The following N4BP2L1 variants were observed in gnomAD, a reference collection of about 807,000 sequenced individuals.
N4BP2L1 encodes NEDD4 binding protein 2 like 1.
A neutral mutation model predicts 21.2 loss-of-function variants in N4BP2L1; 12 were observed. The ratio of observed to expected loss-of-function variants is 0.57; its 90% CI spans 0.36 to 0.92. N4BP2L1 has a LOEUF of 0.92. Among genes scored for constraint, N4BP2L1 ranks in the 40% least tolerant of loss-of-function variants. The pLI, the probability that N4BP2L1 is intolerant of heterozygous loss-of-function variation, is 0.01. For missense variants in N4BP2L1, 259 were observed against 310.6 expected (o/e 0.83, Z 1.25); for synonymous variants, 104 against 112.8 (o/e 0.92, Z 0.49).
chr13:32,413,931 G>A (rs1430408451), intron 1 of N4BP2L1, among the ~76,000 whole-genome samples: 1 of 146,564 alleles, frequency 6.8e-6, no homozygotes, highest in Non-Finnish European at 1.5e-5. Flanking sequence ...ACCCAGGCTG[G>A]AGTGCAGTGG....
In N4BP2L1 at chr13:32,402,206, C is replaced by T. The variant is rs2073166812; in HGVS notation, c.*736G>A. 1.0e-6 allele frequency: 1 copy of T among 980,310 alleles called. No homozygotes were observed. Among genetic ancestry groups the T allele is most frequent in the Non-Finnish European group, 1.2e-6 (1 of 825,452 alleles). 60.7% of individuals were successfully genotyped at this position (980,310 alleles called of 1,614,324 possible). A position where few individuals can be genotyped will look rare whatever the true frequency, so the allele number is the denominator to read the frequency against. On this transcript the variant is annotated 3_prime_UTR_variant, in exon 5 of 5. Transcript: ENST00000380130. ...TTTATTTACACTATTAGCACAACAG[C>T]CAAAAGTTATTCAGGTTTAATCCTG...
chr13:32,402,056 T>TG lies in N4BP2L1; in HGVS notation c.*885dup. 1 of 985,460 alleles carries TG rather than the reference T, an allele frequency of 1.0e-6. No homozygotes were observed. The highest frequency in any genetic ancestry group is 1.2e-6 in the Non-Finnish European group (1 of 829,932). 61.0% of individuals were successfully genotyped at this position (985,460 alleles called of 1,614,324 possible). A position where few individuals can be genotyped will look rare whatever the true frequency, so the allele number is the denominator to read the frequency against. On this transcript the variant is annotated 3_prime_UTR_variant, in exon 5 of 5. Coordinates refer to ENST00000380130, the MANE Select transcript of N4BP2L1 (RefSeq NM_052818.3). ...ATATATCCCTGTATGACCTATATCC[T>TG]GGGGTGCCTAATTTCTTGCACTCCC...
intron 1 of N4BP2L1, among the ~76,000 whole-genome samples, chr13:32,427,479 G>A (rs944433312): frequency 6.6e-6 from 1 of 152,250 alleles, no homozygotes; most frequent in African/African-American, 2.4e-5. Flanking sequence ...TCCCGAAGAA[G>A]AGTCCCTCCC....
chr13:32,427,383 G>A (rs1035101565), intron 1 of N4BP2L1, among the ~76,000 whole-genome samples: 1 of 152,202 alleles, frequency 6.6e-6, no homozygotes, highest in Non-Finnish European at 1.5e-5. Flanking sequence ...TTATGCGCTC[G>A]GATTACAGCG....
In N4BP2L1 at chr13:32,402,922, C is replaced by T. The variant is rs1335656233; in HGVS notation, c.*20G>A. 2.0e-6 allele frequency: 3 copies of T among 1,527,018 alleles called. No homozygotes were observed. In the Admixed American group the frequency reaches 6.5e-5, roughly 33 times the overall value. The allele number at this position is 1,527,018 out of a possible 1,614,324, so 94.6% of individuals were successfully genotyped here. ...TAGAAACTGACTTAGGAAAATTCTG[C>T]CTGGCTGTAAGATAGGCCTCTAATA... On this transcript the variant is annotated 3_prime_UTR_variant, in exon 5 of 5. Transcript: ENST00000380130.
intron 1 of N4BP2L1, among the ~76,000 whole-genome samples, chr13:32,413,943 G>A (rs990981529): frequency 1.2e-4 from 18 of 146,316 alleles, no homozygotes; most frequent in Non-Finnish European, 2.4e-4. Flanking sequence ...GTGCAGTGGC[G>A]CGATCTCAGC....
intron 1 of N4BP2L1, chr13:32,419,355 C>T: frequency 4.7e-6 from 2 of 422,780 alleles, no homozygotes; most frequent in South Asian, 1.7e-5. Flanking sequence ...AAGTGATTCT[C>T]CTGCCTCAGC....
upstream of N4BP2L1, chr13:32,428,291 G>T: frequency 2.4e-6 from 1 of 411,604 alleles, no homozygotes; most frequent in Non-Finnish European, 4.2e-6. Context: ...GAGACTCACA[G>T]CCCGGAAAAC....
At chr13:32,421,634 G>A (rs1263118778) in intron 1 of N4BP2L1, among the ~76,000 whole-genome samples, 2 of 152,054 alleles carry the variant, frequency 1.3e-5, no homozygotes, top group Admixed American at 1.3e-4. Flanking sequence ...TCCAAAAAGG[G>A]CCGGGCAGAC....
intron 3 of N4BP2L1, chr13:32,406,728 C>T (rs2073533837): frequency 1.3e-5 from 2 of 153,376 alleles, no homozygotes; most frequent in African/African-American, 2.4e-5. Flanking sequence ...CCTCGGCCCC[C>T]CAAATTGCTG....
chr13:32,422,209 T>C (rs1004476166), intron 1 of N4BP2L1, among the ~76,000 whole-genome samples: 2 of 152,230 alleles, frequency 1.3e-5, no homozygotes, highest in Admixed American at 1.3e-4. Flanking sequence ...AAATGTAGCT[T>C]CCTTACCCTG....
chr13:32,427,976 C>T lies in N4BP2L1; in HGVS notation c.107G>A (p.Arg36His). Reference sequence around the variant, plus strand: ...GAGGTGTTTCCTAAAGCTGTGGCGGCGAGGAGGTGTCCCCCGCGGGGGCGG... The same window carrying T: ...GAGGTGTTTCCTAAAGCTGTGGCGGTGAGGAGGTGTCCCCCGCGGGGGCGG... Reference protein sequence around the residue: ...PRPPPRGTPPRRHSFRKHLYL... With the variant: ...PRPPPRGTPPHRHSFRKHLYL... The change falls in exon 1 of 5, where the codon CGC becomes CAC. Residue 36 changes from arginine to histidine, a missense_variant. Physicochemically the swap from Arg to His is conservative, Grantham distance 29. Coordinates refer to ENST00000380130, the MANE Select transcript of N4BP2L1 (RefSeq NM_052818.3). 6.5e-7 allele frequency: 1 copy of T among 1,549,456 alleles called. No homozygotes were observed.
intron 1 of N4BP2L1, among the ~76,000 whole-genome samples, chr13:32,413,017 G>A (rs534137579): frequency 1.4e-4 from 21 of 152,190 alleles, no homozygotes; most frequent in African/African-American, 4.1e-4. Flanking sequence ...TCCACCTCCC[G>A]GGTTCAATCA....
chr13:32,407,015 C>T, intron 3 of N4BP2L1: 1 of 530,818 alleles, frequency 1.9e-6, no homozygotes, highest in East Asian at 3.3e-5. Context: ...CACCAAAGAC[C>T]ATTTGCCAAG....
At chr13:32,429,435 T>C (rs780984578), upstream of N4BP2L1, among the ~76,000 whole-genome samples, 27 of 152,274 alleles carry the variant, frequency 1.8e-4, 1 homozygote, top group Middle Eastern at 0.017. Context: ...GAACAGAAAA[T>C]ATACATAAAT....
At chr13:32,407,212 G>A (rs550521230) in intron 3 of N4BP2L1, 38 bp downstream of exon 3, 1 of 1,581,172 alleles carries the variant, frequency 6.3e-7, no homozygotes, top group Non-Finnish European at 8.7e-7. Flanking sequence ...CTCACAAAAT[G>A]TCCATAACTG....
Position 32,400,785 on chromosome 13 carries a change from G to C in N4BP2L1, c.*2157C>G, listed in dbSNP as rs1359358341. On this transcript the variant is annotated 3_prime_UTR_variant, in exon 5 of 5. Coordinates refer to ENST00000380130, the MANE Select transcript of N4BP2L1 (RefSeq NM_052818.3). ...TTAATGAGACCCTATTGCCCATAAA[G>C]AGCATTTGCCAGTTCTATGAATGAT... 1 of 152,048 alleles carries C rather than the reference G, an allele frequency of 6.6e-6. No homozygotes were observed. The highest frequency in any genetic ancestry group is 1.5e-5 in the Non-Finnish European group (1 of 68,010). 9.4% of individuals were successfully genotyped at this position (152,048 alleles called of 1,614,324 possible).
At chr13:32,419,814 G>A (rs1232671063) in intron 1 of N4BP2L1, among the ~76,000 whole-genome samples, 3 of 152,158 alleles carry the variant, frequency 2.0e-5, no homozygotes, top group South Asian at 2.1e-4. Context: ...GGAGACTGAC[G>A]GAGAGGATTC....
intron 3 of N4BP2L1, among the ~76,000 whole-genome samples, chr13:32,406,158 C>T (rs1322313138): frequency 1.3e-5 from 2 of 151,954 alleles, no homozygotes; most frequent in Non-Finnish European, 2.9e-5. Flanking sequence ...ATCCACCCGC[C>T]TCAGCCTCCC....
Sources: allele counts gnomAD v4.1 joint callset (sites outside exome capture counted in the v4.1 genomes callset), GRCh38; gene constraint gnomAD v4.1.1; transcripts MANE v1.5; gene names NCBI Gene and HGNC (gene_info 2026-07-23, HGNC 2026-07-21).